The following SEMA3A variants were observed in gnomAD, a reference collection of about 807,000 sequenced individuals.
SEMA3A encodes semaphorin 3A.
A neutral mutation model predicts 97.9 loss-of-function variants in SEMA3A; 29 were observed. That is an observed-to-expected ratio of 0.30 (90% CI 0.22 to 0.40). The LOEUF is 0.40. SEMA3A is among the 10% of genes least tolerant of loss of function. The pLI, the probability that SEMA3A is intolerant of heterozygous loss-of-function variation, is 1.00. For synonymous variants in SEMA3A, 321 were observed against 323.7 expected (o/e 0.99, Z 0.09); for missense variants, 763 against 951.3 (o/e 0.80, Z 2.60).
rs375271249 is a variant in SEMA3A, at chr7:84,277,307, T to A, written c.-83+29900A>T. Among the ~76,000 whole-genome samples, 9 of 152,136 alleles carry A rather than the reference T, an allele frequency of 5.9e-5. 1 individual carries two copies. The highest frequency in any genetic ancestry group is 1.3e-4 in the Admixed American group (2 of 15,254). On this transcript the variant is annotated intron_variant, in intron 3 of 3. Transcript: ENST00000424555. ...ATGAAATCATGGTTTAATATATAGATATAGATGTAATGATAGATATAGATA... is the reference window on the plus strand; with the variant it reads ...ATGAAATCATGGTTTAATATATAGAAATAGATGTAATGATAGATATAGATA...
intron 4 of SEMA3A, among the ~76,000 whole-genome samples, chr7:84,100,384 A>G: frequency 6.6e-6 from 1 of 152,176 alleles, no homozygotes; most frequent in Non-Finnish European, 1.5e-5. Flanking sequence ...GACATGAACT[A>G]CTGAATAGCA....
intron 15 of SEMA3A, among the ~76,000 whole-genome samples, chr7:83,965,627 C>CACATAT (rs1788641903): frequency 3.9e-5 from 1 of 25,502 alleles, no homozygotes; most frequent in Non-Finnish European, 6.4e-5. Flanking sequence ...CCAATGGGTG[C>CACATAT]ATATATATAT....
chr7:84,257,856 A>G (rs539301914), intron 3 of SEMA3A, among the ~76,000 whole-genome samples: 2 of 152,320 alleles, frequency 1.3e-5, no homozygotes, highest in South Asian at 4.1e-4. Flanking sequence ...CAAACAACTT[A>G]AACTAGTGAG....
In SEMA3A at chr7:84,079,397, C is replaced by T. The variant is rs529120484; in HGVS notation, c.454-18839G>A. On this transcript the variant is annotated intron_variant, in intron 4 of 16. Transcript: ENST00000265362. Reference sequence around the variant, plus strand: ...AGCTTCTGCACAGCAAAAGAAACTACCATCAGAGTGAACAGGCAACCTACA... The same window carrying T: ...AGCTTCTGCACAGCAAAAGAAACTATCATCAGAGTGAACAGGCAACCTACA... Among the ~76,000 whole-genome samples the T allele has an allele frequency of 2.4e-3, 356 of 150,412 alleles. 2 individuals carry two copies. Among genetic ancestry groups the T allele is most frequent in the African/African-American group, 8.2e-3 (337 of 40,956 alleles).
chr7:84,183,335 T>A (rs1421697782), intron 1 of SEMA3A, among the ~76,000 whole-genome samples: 2 of 152,188 alleles, frequency 1.3e-5, no homozygotes, highest in Admixed American at 1.3e-4. Context: ...TAGCTATGTA[T>A]GAAAACTCCA....
At chr7:84,347,459 T>C (rs990772104) in intron 2 of SEMA3A, among the ~76,000 whole-genome samples, 1 of 150,644 alleles carries the variant, frequency 6.6e-6, no homozygotes, top group African/African-American at 2.4e-5. Context: ...GTTGCCGGGC[T>C]GGAGTGCAAT....
At chr7:84,118,361 T>C (rs550142834) in intron 3 of SEMA3A, among the ~76,000 whole-genome samples, 2 of 152,308 alleles carry the variant, frequency 1.3e-5, no homozygotes, top group African/African-American at 2.4e-5. Flanking sequence ...AATTGTATTG[T>C]GCCAAATGAA....
intron 6 of SEMA3A, among the ~76,000 whole-genome samples, chr7:84,028,592 A>AGTTT (rs57098862): frequency 0.34 from 51,444 of 151,502 alleles, 10,386 homozygotes; most frequent in East Asian, 0.63. Flanking sequence ...TGTATAATAA[A>AGTTT]GTTTGTTTGT....
intron 2 of SEMA3A, among the ~76,000 whole-genome samples, chr7:84,339,242 G>T (rs547821840): frequency 6.6e-6 from 1 of 152,260 alleles, no homozygotes; most frequent in Non-Finnish European, 1.5e-5. Flanking sequence ...AAAAGTAGAT[G>T]AATTGGGGAC....
At chr7:84,185,111 T>C (rs985642848) in intron 1 of SEMA3A, among the ~76,000 whole-genome samples, 2 of 152,136 alleles carry the variant, frequency 1.3e-5, no homozygotes, top group Non-Finnish European at 2.9e-5. Flanking sequence ...AAAATAACGG[T>C]ATATGACTTT....
chr7:84,212,107 T>C (rs956584445), intron 3 of SEMA3A, among the ~76,000 whole-genome samples: 6 of 152,160 alleles, frequency 3.9e-5, no homozygotes, highest in African/African-American at 1.2e-4. Context: ...AGGTACCCCA[T>C]GAAGAACAGA....
chr7:84,425,531 C>A (rs1804793229), intron 1 of SEMA3A, among the ~76,000 whole-genome samples: 1 of 139,906 alleles, frequency 7.1e-6, no homozygotes, highest in African/African-American at 2.6e-5. Context: ...TAAGCATAAA[C>A]GTATATTTAT....
upstream of SEMA3A, among the ~76,000 whole-genome samples, chr7:84,199,574 T>C (rs1168738971): frequency 6.6e-6 from 1 of 152,120 alleles, no homozygotes; most frequent in Non-Finnish European, 1.5e-5. Flanking sequence ...CCGTTTTTTT[T>C]TTTCTTCAAG....
chr7:83,989,171 A>C lies in SEMA3A; in HGVS notation c.1453-3694T>G, dbSNP rs1789778406. On this transcript the variant is annotated intron_variant, in intron 12 of 16. Coordinates refer to ENST00000265362, the MANE Select transcript of SEMA3A (RefSeq NM_006080.3). ...AAAGTTTACAATCGAAATTCAAAGA[A>C]AGTGTTTCTTAGGCAGAGAAAGATT... 2.6e-5 allele frequency among the ~76,000 whole-genome samples: 4 copies of C among 152,246 alleles called. No individual in the cohort carries two copies. In the South Asian group the frequency reaches 8.3e-4, roughly 32 times the overall value.
At chr7:84,140,573 C>A (rs1796266535) in intron 1 of SEMA3A, among the ~76,000 whole-genome samples, 1 of 152,038 alleles carries the variant, frequency 6.6e-6, no homozygotes, top group Non-Finnish European at 1.5e-5. Context: ...TGAACTTTGT[C>A]CTTTTCATAG....
At chr7:84,129,438 T>C (rs1795897447) in intron 2 of SEMA3A, among the ~76,000 whole-genome samples, 1 of 152,156 alleles carries the variant, frequency 6.6e-6, no homozygotes, top group Non-Finnish European at 1.5e-5. Flanking sequence ...GTGTAGACAA[T>C]AGATCTAAGC....
At chr7:84,110,667 G>T in intron 3 of SEMA3A, 78 bp from the exon 4 acceptor site, 2 of 1,456,480 alleles carry the variant, frequency 1.4e-6, no homozygotes, top group African/African-American at 1.4e-5. Context: ...AGGCATGCTG[G>T]AACAGATTTG....
intron 6 of SEMA3A, among the ~76,000 whole-genome samples, chr7:84,039,698 C>T (rs1792066013): frequency 6.6e-6 from 1 of 151,882 alleles, no homozygotes; most frequent in Non-Finnish European, 1.5e-5. Flanking sequence ...GTAATCAGTG[C>T]TGTATTTAGG....
At chr7:84,180,953 G>T (rs1797718445) in intron 1 of SEMA3A, among the ~76,000 whole-genome samples, 1 of 151,884 alleles carries the variant, frequency 6.6e-6, no homozygotes, top group Admixed American at 6.6e-5. Context: ...GTTCCCTTAA[G>T]TAAATACATT....
Sources: gnomAD v4.1 joint callset for allele counts (sites outside exome capture counted in the v4.1 genomes callset) on GRCh38, gnomAD v4.1.1 for gene constraint, MANE v1.5 for transcripts, NCBI Gene and HGNC (gene_info 2026-07-23, HGNC 2026-07-21) for gene names.